The following PLIN3 variants were observed in gnomAD, a reference collection of about 807,000 sequenced individuals.
PLIN3 encodes the protein perilipin 3.
In PLIN3, 30 loss-of-function variants were observed where a neutral mutation model predicts 35.9. That is an observed-to-expected ratio of 0.84 (90% confidence interval 0.62 to 1.13). PLIN3 has a LOEUF of 1.13. Among genes scored for constraint, PLIN3 ranks in the 50% most tolerant of loss-of-function variants. PLIN3 has a pLI of 0.00. For synonymous variants in PLIN3, 261 were observed against 262.5 expected, an observed-to-expected ratio of 0.99 and a Z score of 0.06; for missense variants, 603 against 596.9, an observed-to-expected ratio of 1.01 and a Z score of -0.11.
At chr19:4,839,652 T>C in intron 7 of PLIN3, 116 bp from the exon 8 acceptor site, 1 of 734,566 alleles carries the variant, frequency 1.4e-6, no homozygotes, top group Non-Finnish European at 2.0e-6. Flanking sequence ...GGGCAAACGC[T>C]TTCCATAGGC....
chr19:4,847,142 C>T (rs1568374820), intron 6 of PLIN3, among the ~76,000 whole-genome samples: 1 of 151,750 alleles, frequency 6.6e-6, no homozygotes, highest in Non-Finnish European at 1.5e-5. Flanking sequence ...CCCGCCTCAG[C>T]CTCCCAAAGT....
intron 4 of PLIN3, among the ~76,000 whole-genome samples, chr19:4,855,891 C>A (rs1018448507): frequency 6.7e-6 from 1 of 150,006 alleles, no homozygotes; most frequent in African/African-American, 2.5e-5. Context: ...CGCCACTGCA[C>A]TCTAGCTTGG....
At position 4,859,968 on chromosome 19, in the gene PLIN3, C is replaced by T. The variant is rs759073699; in HGVS notation, c.123G>A (p.Met41Ile). Residue 41 changes from methionine (M) to isoleucine (I), a missense_variant, in exon 3 of 8, where the codon ATG becomes ATA. Met to Ile is a conservative substitution (Grantham distance 10, BLOSUM62 1). Transcript: ENST00000221957. Reference protein sequence around the residue: ...SMPLISSTCDMVSAAYASTKE... With the variant: ...SMPLISSTCDIVSAAYASTKE... Reference sequence around the variant, plus strand: ...TGGTGGAGGCATAGGCTGCGGACACCATGTCGCAGGTGGAGCTGATCAGAG... The same window carrying T: ...TGGTGGAGGCATAGGCTGCGGACACTATGTCGCAGGTGGAGCTGATCAGAG... The T allele has an allele frequency of 1.9e-6, 3 of 1,613,974 alleles. No individual in the cohort carries two copies. The highest frequency in any genetic ancestry group is 1.1e-5 in the South Asian group (1 of 91,080).
Position 4,839,319 on chromosome 19 carries a change from C to T in PLIN3, c.1178G>A (p.Arg393His), listed in dbSNP as rs150444869. The T allele has an allele frequency of 1.0e-4, 169 of 1,613,984 alleles. No homozygotes were observed. The African/African-American group carries it at 1.9e-3, about 18-fold the overall frequency. The stretch of plus-strand genomic sequence containing the variant: ...CAGGGCCTCGCGGGCGCTGGCGACA[C>T]GCTCACGGCTCTGGGCCAGAATGCT... Reference protein sequence around the residue: ...SSSILAQSRERVASAREALDH... With the variant: ...SSSILAQSREHVASAREALDH... The change falls in exon 8 of 8, where the codon CGT becomes CAT. Residue 393 changes from arginine (R) to histidine (H), a missense_variant. Coordinates refer to ENST00000221957, the MANE Select transcript of PLIN3 (RefSeq NM_005817.5).
intron 5 of PLIN3, among the ~76,000 whole-genome samples, chr19:4,849,289 T>C (rs1568375771): frequency 2.0e-5 from 3 of 151,692 alleles, no homozygotes; most frequent in Non-Finnish European, 1.5e-5. Context: ...ACCTTTTCTA[T>C]GTTTAGATCT....
rs190869662 is a variant in PLIN3 at position 4,853,443 on chromosome 19, A to G, written c.349-1142T>C. 4.0e-3 allele frequency among the ~76,000 whole-genome samples: 603 copies of G among 152,088 alleles called. 2 individuals carry two copies. The highest frequency in any genetic ancestry group is 0.014 in the African/African-American group (579 of 41,492). On this transcript the variant is annotated intron_variant, in intron 4 of 7. Transcript: ENST00000221957. ...TGGGTTCAGGTGATTCTCCTGCCTCAGCCTCCCAAGTAGCTGGGATTACAA... is the reference window on the plus strand; with the variant it reads ...TGGGTTCAGGTGATTCTCCTGCCTCGGCCTCCCAAGTAGCTGGGATTACAA...
chr19:4,854,107 A>AT (rs753815748), intron 4 of PLIN3, among the ~76,000 whole-genome samples: 15 of 151,130 alleles, frequency 9.9e-5, no homozygotes, highest in South Asian at 4.2e-4. Context: ...TTATTTTTTT[A>AT]TTTTTTGTAG....
intron 4 of PLIN3, among the ~76,000 whole-genome samples, chr19:4,857,578 AT>A (rs1306910881): frequency 4.0e-5 from 6 of 149,062 alleles, no homozygotes; most frequent in South Asian, 2.1e-4. Flanking sequence ...CAAAAAAAAA[AT>A]TTTTTTTTTT....
chr19:4,841,896 C>A (rs185690682), intron 7 of PLIN3, among the ~76,000 whole-genome samples: 1,476 of 117,564 alleles, frequency 0.013, 28 homozygotes, highest in African/African-American at 0.045. Flanking sequence ...CAGAGCGAGA[C>A]TCCATCTCAA....
chr19:4,854,895 G>A (rs2030422104), intron 4 of PLIN3, among the ~76,000 whole-genome samples: 3 of 151,602 alleles, frequency 2.0e-5, no homozygotes, highest in Admixed American at 6.6e-5. Flanking sequence ...TGGGAGGATC[G>A]CTTGGGCCCA....
At chr19:4,840,963 A>C (rs1469178205) in intron 7 of PLIN3, among the ~76,000 whole-genome samples, 5 of 152,132 alleles carry the variant, frequency 3.3e-5, no homozygotes, top group Admixed American at 6.6e-5. Context: ...ACAAACAAAC[A>C]AAAACCCCAG....
Position 4,839,420 on chromosome 19 carries a change from C to A in PLIN3, c.1077G>T (p.Val359=), listed in dbSNP as rs779337515. ...CCTCCACCTGGCGGCGGGCCTGCTG[C>A]ACCTGGTCCTTCACATTGGTGGGGA... ...QGLPTNVKDQ[V]QQARRQVEDL... Residue 359 remains valine (V), a synonymous_variant, in exon 8 of 8, where the codon GTG becomes GTT. Transcript: ENST00000221957. 1.2e-6 allele frequency: 2 copies of A among 1,606,956 alleles called. No homozygotes were observed. Among genetic ancestry groups the A allele is most frequent in the East Asian group, 4.5e-5 (2 of 44,672 alleles).
chr19:4,839,430 T>C lies in PLIN3; in HGVS notation c.1067A>G (p.Lys356Arg). 1 of 1,603,726 alleles carries C rather than the reference T, an allele frequency of 6.2e-7. No homozygotes were observed. The highest frequency in any genetic ancestry group is 1.3e-5 in the African/African-American group (1 of 74,892). ...SSIQGLPTNV[K>R]DQVQQARRQV... ...GCGGCGGGCCTGCTGCACCTGGTCC[T>C]TCACATTGGTGGGGAGGCCCTGAAT... Residue 356 changes from lysine to arginine, a missense_variant, in exon 8 of 8, where the codon AAG (lysine) becomes AGG (arginine). Physicochemically the swap from Lys to Arg is conservative, Grantham distance 26. Transcript: ENST00000221957.
At chr19:4,857,781 G>A (rs901374979) in intron 4 of PLIN3, among the ~76,000 whole-genome samples, 1 of 151,758 alleles carries the variant, frequency 6.6e-6, no homozygotes, top group Non-Finnish European at 1.5e-5. Flanking sequence ...CTCGAGACCA[G>A]CCTGACCAAC....
Position 4,839,315 on chromosome 19 carries a change from G to C in PLIN3, c.1182C>G (p.Val394=), listed in dbSNP as rs1409881783. 5 of 1,613,912 alleles carry C rather than the reference G, an allele frequency of 3.1e-6. No homozygotes were observed. In the Admixed American group the frequency reaches 8.3e-5, roughly 27 times the overall value. ...GGTCCAGGGCCTCGCGGGCGCTGGC[G>C]ACACGCTCACGGCTCTGGGCCAGAA... ...SSILAQSRER[V]ASAREALDHM... The change falls in exon 8 of 8, where the codon GTC becomes GTG. Residue 394 remains valine, a synonymous_variant. Transcript: ENST00000221957.
At chr19:4,861,452 C>A in intron 1 of PLIN3, 41 bp from the exon 2 acceptor site, 1 of 1,456,986 alleles carries the variant, frequency 6.9e-7, no homozygotes, top group Non-Finnish European at 9.6e-7. Context: ...TGCCTGGCCC[C>A]ACCTTCCAGG....
intron 4 of PLIN3, among the ~76,000 whole-genome samples, chr19:4,857,160 G>C (rs2030502583): frequency 6.6e-6 from 1 of 152,088 alleles, no homozygotes; most frequent in African/African-American, 2.4e-5. Flanking sequence ...AACTGAGGTA[G>C]GGCACAGTGG....
intron 7 of PLIN3, among the ~76,000 whole-genome samples, chr19:4,841,904 CAA>C (rs111932271): frequency 2.6e-5 from 1 of 38,688 alleles, no homozygotes; most frequent in Non-Finnish European, 6.3e-5. Flanking sequence ...GACTCCATCT[CAA>C]AAAAAAAAAA....
chr19:4,859,196 G>C (rs893849260), intron 4 of PLIN3, among the ~76,000 whole-genome samples: 5 of 152,120 alleles, frequency 3.3e-5, no homozygotes, highest in African/African-American at 4.8e-5. Context: ...GTAAATAAAT[G>C]GGCATGGCTG....
Sources: allele counts gnomAD v4.1 joint callset (sites outside exome capture counted in the v4.1 genomes callset), GRCh38; gene constraint gnomAD v4.1.1; transcripts MANE v1.5; gene names NCBI Gene and HGNC (gene_info 2026-07-23, HGNC 2026-07-21).